The following GALNT5 variants were observed in gnomAD, a reference collection of about 807,000 sequenced individuals.
The protein encoded by GALNT5 is polypeptide N-acetylgalactosaminyltransferase 5.
Under a neutral mutation model 85.4 loss-of-function variants are expected in GALNT5, and 72 were observed. The ratio of observed to expected loss-of-function variants is 0.84; its 90% CI spans 0.70 to 1.03. The LOEUF (loss-of-function observed/expected upper bound fraction) is 1.03. Among genes scored for constraint, GALNT5 ranks in the 50% least tolerant of loss-of-function variants. The pLI, the probability that GALNT5 is intolerant of heterozygous loss-of-function variation, is 0.00. For synonymous variants in GALNT5, 404 were observed against 397.0 expected (o/e 1.02, Z -0.21); for missense variants, 1,137 against 1,135.5 (o/e 1.00, Z -0.02).
At chr2:157,294,673 G>A (rs1683171700) in intron 3 of GALNT5, among the ~76,000 whole-genome samples, 1 of 152,022 alleles carries the variant, frequency 6.6e-6, no homozygotes, top group Non-Finnish European at 1.5e-5. Context: ...AGCCCCAGTA[G>A]GTAGAGCCTT....
chr2:157,283,967 C>A (rs1013611158), intron 1 of GALNT5, among the ~76,000 whole-genome samples: 4 of 152,302 alleles, frequency 2.6e-5, no homozygotes, highest in South Asian at 4.1e-4. Context: ...TACCTGTAAA[C>A]CCTGTCCTTT....
chr2:157,287,697 C>T (rs1483296746), intron 3 of GALNT5, among the ~76,000 whole-genome samples: 1 of 152,126 alleles, frequency 6.6e-6, no homozygotes, highest in East Asian at 1.9e-4. Context: ...GCCTTCTTTT[C>T]CTCTCCCCTT....
Position 157,316,143 on chromosome 2 carries a change from A to C in GALNT5, c.*4795A>C, listed in dbSNP as rs989309774. Among the ~76,000 whole-genome samples, 2 of 152,050 alleles carry C rather than the reference A, an allele frequency of 1.3e-5. No individual in the cohort carries two copies. Among genetic ancestry groups the C allele is most frequent in the African/African-American group, 4.8e-5 (2 of 41,390 alleles). On this transcript the variant is annotated 3_prime_UTR_variant, in exon 10 of 10. Coordinates refer to ENST00000259056, the MANE Select transcript of GALNT5 (RefSeq NM_014568.3). ...CACGTGGCTTCACTTCACCAGTGCCATGTCACCCACACACCTGGTGACAAG... is the reference window on the plus strand; with the variant it reads ...CACGTGGCTTCACTTCACCAGTGCCCTGTCACCCACACACCTGGTGACAAG...
At chr2:157,262,420 TGAGCCCAGGA>T (rs1329832089) in intron 1 of GALNT5, among the ~76,000 whole-genome samples, 3 of 152,098 alleles carry the variant, frequency 2.0e-5, no homozygotes, top group African/African-American at 7.2e-5. Context: ...GAGGATCCCT[TGAGCCCAGGA>T]GTTTGAGATC....
At chr2:157,279,720 T>C (rs1487280970) in intron 1 of GALNT5, among the ~76,000 whole-genome samples, 1 of 152,268 alleles carries the variant, frequency 6.6e-6, no homozygotes, top group Non-Finnish European at 1.5e-5. Flanking sequence ...AGGTGCAATC[T>C]GTCACAGCTT....
In GALNT5 at chr2:157,317,524, G is replaced by T. The variant is rs1683742428; in HGVS notation, c.*6176G>T. Among the ~76,000 whole-genome samples, 1 of 152,076 alleles carries T rather than the reference G, an allele frequency of 6.6e-6. No individual in the cohort carries two copies. The highest frequency in any genetic ancestry group is 2.4e-5 in the African/African-American group (1 of 41,446). On this transcript the variant is annotated 3_prime_UTR_variant, in exon 10 of 10. Coordinates refer to ENST00000259056, the MANE Select transcript of GALNT5 (RefSeq NM_014568.3). ...AAAAACAAGAGAAGCCAAAGATTAA[G>T]TAAGTGAATTGTGTTAAAGATTGCC...
chr2:157,292,834 T>C (rs1191488565), intron 3 of GALNT5, among the ~76,000 whole-genome samples: 1 of 152,096 alleles, frequency 6.6e-6, no homozygotes. Flanking sequence ...GCCTCCTGAA[T>C]AGCTGGGGCT....
chr2:157,284,515 T>C (rs1374933475), intron 2 of GALNT5, 67 bp downstream of exon 2: 1 of 1,163,650 alleles, frequency 8.6e-7, no homozygotes, highest in African/African-American at 1.5e-5. Context: ...TTAGTAGCAG[T>C]TTGGATGGCA....
At chr2:157,295,579 C>A in intron 3 of GALNT5, 84 bp from the exon 4 acceptor site, 5 of 1,006,756 alleles carry the variant, frequency 5.0e-6, no homozygotes, top group South Asian at 1.8e-5. Flanking sequence ...ATTTCTGGAG[C>A]AATCATCAAT....
At chr2:157,302,148 G>A (rs1293421685) in intron 7 of GALNT5, 3 of 152,132 alleles carry the variant, frequency 2.0e-5, no homozygotes, top group Non-Finnish European at 4.4e-5. Flanking sequence ...CTTCATCCAA[G>A]AAATTCTTTA....
At chr2:157,292,120 C>A (rs1165485169) in intron 3 of GALNT5, among the ~76,000 whole-genome samples, 4 of 152,102 alleles carry the variant, frequency 2.6e-5, no homozygotes, top group South Asian at 4.2e-4. Flanking sequence ...TTAGAAATAT[C>A]TTCATAGGGC....
At chr2:157,288,909 A>G (rs113249954) in intron 3 of GALNT5, among the ~76,000 whole-genome samples, 45 of 152,302 alleles carry the variant, frequency 3.0e-4, no homozygotes, top group African/African-American at 1.0e-3. Flanking sequence ...ACTTGCCGTC[A>G]GATAAGATGT....
intron 8 of GALNT5, 60 bp from the exon 9 acceptor site, chr2:157,308,507 G>A: frequency 3.0e-6 from 4 of 1,333,948 alleles, no homozygotes; most frequent in Non-Finnish European, 4.1e-6. Flanking sequence ...AAAAATGTTT[G>A]ACAAAGCCCC....
At chr2:157,261,687 A>AT (rs1266282244) in intron 1 of GALNT5, among the ~76,000 whole-genome samples, 2 of 152,138 alleles carry the variant, frequency 1.3e-5, no homozygotes, top group Non-Finnish European at 2.9e-5. Flanking sequence ...AGGATAAATC[A>AT]TTTTTTGTTC....
At chr2:157,275,594 A>G (rs1433282122) in intron 1 of GALNT5, among the ~76,000 whole-genome samples, 3 of 152,188 alleles carry the variant, frequency 2.0e-5, no homozygotes, top group Admixed American at 2.0e-4. Context: ...GCAATTGTGA[A>G]TCGGAGTTCA....
chr2:157,273,266 TC>T (rs778827461), intron 1 of GALNT5, among the ~76,000 whole-genome samples: 1 of 152,198 alleles, frequency 6.6e-6, no homozygotes, highest in Non-Finnish European at 1.5e-5. Flanking sequence ...CATTTCAGAG[TC>T]TAAAGTTTGT....
chr2:157,293,379 T>C (rs913467094), intron 3 of GALNT5, among the ~76,000 whole-genome samples: 2 of 152,166 alleles, frequency 1.3e-5, no homozygotes, highest in Non-Finnish European at 2.9e-5. Flanking sequence ...CCAGCCTCTT[T>C]CATATGAGCA....
chr2:157,315,035 G>A lies in GALNT5; in HGVS notation c.*3687G>A, dbSNP rs544602915. ...GGAGGTTGCAGTGAGCTGAAATTGC[G>A]CCACTGCACTCCAGCCTAGACAACA... On this transcript the variant is annotated 3_prime_UTR_variant, in exon 10 of 10. Transcript: ENST00000259056. Among the ~76,000 whole-genome samples the A allele has an allele frequency of 5.9e-5, 9 of 151,952 alleles. No homozygotes were observed. The highest frequency in any genetic ancestry group is 1.3e-4 in the Non-Finnish European group (9 of 68,002).
At chr2:157,299,427 C>T (rs971965496) in intron 5 of GALNT5, 121 bp from the exon 6 acceptor site, 1 of 635,266 alleles carries the variant, frequency 1.6e-6, no homozygotes. Context: ...CCAGGGCTTC[C>T]CTGCATCAGG....
Sources: gnomAD v4.1 joint callset for allele counts (sites outside exome capture counted in the v4.1 genomes callset) on GRCh38, gnomAD v4.1.1 for gene constraint, MANE v1.5 for transcripts, NCBI Gene and HGNC (gene_info 2026-07-23, HGNC 2026-07-21) for gene names.